SCN7A: variants seen among roughly 807,000 people sequenced by gnomAD.
SCN7A encodes sodium channel protein type 7 subunit alpha.
A neutral mutation model predicts 155.2 loss-of-function variants in SCN7A; 138 were observed. The ratio of observed to expected loss-of-function variants is 0.89; its 90% CI spans 0.77 to 1.02. The LOEUF (loss-of-function observed/expected upper bound fraction) is 1.02, where lower values mean the gene tolerates loss of function less well. SCN7A is among the 50% of genes least tolerant of loss of function. The pLI, the probability that SCN7A is intolerant of heterozygous loss-of-function variation, is 0.00. For synonymous variants in SCN7A, 693 were observed against 649.0 expected, an observed-to-expected ratio of 1.07 and a Z score of -1.03; for missense variants, 2,058 against 1,986.6, an observed-to-expected ratio of 1.04 and a Z score of -0.68.
intron 15 of SCN7A, 122 bp downstream of exon 15, chr2:166,441,274 G>T: frequency 1.6e-6 from 1 of 632,950 alleles, no homozygotes; most frequent in South Asian, 2.4e-5. Flanking sequence ...CATCTGGCTA[G>T]TGGGTTACTC....
rs879857537 is a variant in SCN7A at position 166,456,813 on chromosome 2, T to TAG, written c.1290+56_1290+57insCT. The TAG allele has an allele frequency of 7.7e-3, 2,430 of 316,242 alleles. 200 individuals are homozygous for TAG. The highest frequency in any genetic ancestry group is 0.02 in the East Asian group (232 of 11,864). The allele number at this position is 316,242 out of a possible 1,614,324, so 19.6% of individuals were successfully genotyped here. A position where few individuals can be genotyped will look rare whatever the true frequency, so the allele number is the denominator to read the frequency against. ...CTGTTTCAAGACTAAAATATATATA[T>TAG]ATATATATATATATATAGATAGATA... On this transcript the variant is annotated intron_variant, in intron 11 of 25. Coordinates refer to ENST00000643258, the MANE Select transcript of SCN7A (RefSeq NM_002976.4).
chr2:166,411,843 A>C (rs1701209919), intron 23 of SCN7A, among the ~76,000 whole-genome samples: 1 of 152,090 alleles, frequency 6.6e-6, no homozygotes, highest in African/African-American at 2.4e-5. Flanking sequence ...GTTTGATTAC[A>C]TGGCTGAAGA....
intron 11 of SCN7A, among the ~76,000 whole-genome samples, chr2:166,455,136 T>C (rs570346726): frequency 9.2e-5 from 14 of 152,308 alleles, no homozygotes; most frequent in Admixed American, 8.5e-4. Context: ...ACTGTAATTT[T>C]ATCCATCCTT....
chr2:166,450,074 T>C (rs1372595302), intron 11 of SCN7A, among the ~76,000 whole-genome samples: 1 of 152,160 alleles, frequency 6.6e-6, no homozygotes, highest in East Asian at 1.9e-4. Flanking sequence ...CAGATGCCCA[T>C]TAACAGTAGA....
At chr2:166,483,924 T>G (rs567702056) in intron 2 of SCN7A, among the ~76,000 whole-genome samples, 1 of 152,004 alleles carries the variant, frequency 6.6e-6, no homozygotes, top group African/African-American at 2.4e-5. Flanking sequence ...ATATCTCAGG[T>G]GCAGCCACTA....
rs764515179 is a variant in SCN7A at position 166,474,220 on chromosome 2, G to T, written c.353+6C>A. 7.4e-6 allele frequency: 10 copies of T among 1,349,834 alleles called. No individual in the cohort carries two copies. The highest frequency in any genetic ancestry group is 1.0e-5 in the Non-Finnish European group (10 of 988,494). The allele number at this position is 1,349,834 out of a possible 1,614,324, so 83.6% of individuals were successfully genotyped here. The stretch of plus-strand genomic sequence containing the variant: ...TTAAAGTCAACAAGTCAACAGAAAA[G>T]GATATGGATGTACCAAAACCTTGAT... On this transcript the variant is annotated splice_donor_region_variant and intron_variant, in intron 4 of 25. Coordinates refer to ENST00000643258, the MANE Select transcript of SCN7A (RefSeq NM_002976.4).
chr2:166,434,260 G>A (rs1162599990), intron 15 of SCN7A, among the ~76,000 whole-genome samples: 1 of 151,964 alleles, frequency 6.6e-6, no homozygotes, highest in East Asian at 1.9e-4. Flanking sequence ...GAATACAGAA[G>A]GTTCAAATAA....
chr2:166,465,959 G>A lies in SCN7A; in HGVS notation c.693C>T (p.Ile231=). The A allele has an allele frequency of 1.9e-6, 3 of 1,612,652 alleles. No homozygotes were observed. The highest frequency in any genetic ancestry group is 2.5e-6 in the Non-Finnish European group (3 of 1,179,172). The stretch of plus-strand genomic sequence containing the variant: ...CACCAATAAGCTGCTTCAAGCAGTG[G>A]ATCAGGACCCCTACAAGGGATTTCA... ...QGLKSLVGVL[I]HCLKQLIGVI... The change falls in exon 8 of 26, where the codon ATC becomes ATT. Residue 231 remains isoleucine (I), a synonymous_variant. Coordinates refer to ENST00000643258, the MANE Select transcript of SCN7A (RefSeq NM_002976.4).
chr2:166,471,725 TG>T (rs71820372), intron 6 of SCN7A, among the ~76,000 whole-genome samples: 42,993 of 134,388 alleles, frequency 0.32, 6,501 homozygotes, highest in African/African-American at 0.41. Context: ...CCAGAAAATG[TG>T]GGGGGGGGGG....
chr2:166,412,925 C>G, intron 22 of SCN7A, 143 bp downstream of exon 22: 2 of 857,092 alleles, frequency 2.3e-6, no homozygotes, highest in South Asian at 1.7e-5. Context: ...ATATAATAAC[C>G]CTGGAAGAAT....
At chr2:166,466,296 C>T (rs1702532663) in intron 7 of SCN7A, among the ~76,000 whole-genome samples, 1 of 151,998 alleles carries the variant, frequency 6.6e-6, no homozygotes, top group Non-Finnish European at 1.5e-5. Flanking sequence ...TACTAACCTC[C>T]AGTGTTTGCA....
At chr2:166,435,530 C>T (rs951032986) in intron 15 of SCN7A, among the ~76,000 whole-genome samples, 1 of 151,910 alleles carries the variant, frequency 6.6e-6, no homozygotes, top group Admixed American at 6.6e-5. Context: ...GAGAATTGAG[C>T]AACTCATAGC....
chr2:166,405,507 C>A lies in SCN7A; in HGVS notation c.*73G>T. 1 of 1,127,166 alleles carries A rather than the reference C, an allele frequency of 8.9e-7. No individual in the cohort carries two copies. Among genetic ancestry groups the A allele is most frequent in the East Asian group, 2.4e-5 (1 of 41,866 alleles). 69.8% of individuals were successfully genotyped at this position (1,127,166 alleles called of 1,614,324 possible). On this transcript the variant is annotated 3_prime_UTR_variant, in exon 26 of 26. Transcript: ENST00000643258. Reference sequence around the variant, plus strand: ...AGAACTGATTATTATCTCTACTTTTCTTTTATTCCTGGCTTAGGCTTTCAA... The same window carrying A: ...AGAACTGATTATTATCTCTACTTTTATTTTATTCCTGGCTTAGGCTTTCAA...
intron 7 of SCN7A, among the ~76,000 whole-genome samples, chr2:166,467,405 T>A (rs1023087643): frequency 6.6e-6 from 1 of 151,482 alleles, no homozygotes; most frequent in Non-Finnish European, 1.5e-5. Flanking sequence ...TATTGTTTTG[T>A]TGGAAATGTT....
intron 21 of SCN7A, among the ~76,000 whole-genome samples, chr2:166,413,961 T>TTA (rs1199445502): frequency 8.7e-5 from 6 of 69,102 alleles, no homozygotes; most frequent in African/African-American, 1.3e-4. Flanking sequence ...AAACTCCCCT[T>TTA]TATATATATA....
chr2:166,445,302 T>G (rs1319852380), intron 12 of SCN7A, among the ~76,000 whole-genome samples: 4 of 133,168 alleles, frequency 3.0e-5, no homozygotes, highest in African/African-American at 1.2e-4. Flanking sequence ...GGCAACAGAG[T>G]GAGACTCTGC....
chr2:166,474,416 C>A (rs1236534451), intron 3 of SCN7A, 72 bp from the exon 4 acceptor site: 5 of 524,374 alleles, frequency 9.5e-6, no homozygotes, highest in Non-Finnish European at 1.3e-5. Flanking sequence ...CAATAAACTG[C>A]CAATCAATCA....
At chr2:166,459,353 G>GT (rs1702352437) in intron 10 of SCN7A, among the ~76,000 whole-genome samples, 1 of 151,938 alleles carries the variant, frequency 6.6e-6, no homozygotes, top group African/African-American at 2.4e-5. Context: ...CTATTTCAAT[G>GT]TTTTTTATGA....
chr2:166,418,787 CAT>C (rs1322713015), intron 20 of SCN7A, among the ~76,000 whole-genome samples: 2 of 152,122 alleles, frequency 1.3e-5, no homozygotes, highest in Non-Finnish European at 2.9e-5. Flanking sequence ...ATAGTTGACA[CAT>C]ATATTTGAAA....
Sources: allele counts gnomAD v4.1 joint callset (sites outside exome capture counted in the v4.1 genomes callset), GRCh38; gene constraint gnomAD v4.1.1; transcripts MANE v1.5; gene names NCBI Gene and HGNC (gene_info 2026-07-23, HGNC 2026-07-21).